The following ART3 variants were observed in gnomAD, a reference collection of about 807,000 sequenced individuals.
ART3 encodes ADP-ribosyltransferase 3 (inactive).
Under a neutral mutation model 48.5 loss-of-function variants are expected in ART3, and 49 were observed. The observed-to-expected ratio is 1.01, with a 90% CI of 0.80 to 1.28. The LOEUF (loss-of-function observed/expected upper bound fraction) is 1.28, where lower values mean the gene tolerates loss of function less well. Among genes scored for constraint, ART3 ranks in the 50% most tolerant of loss-of-function variants. ART3 has a pLI of 0.00. For synonymous variants in ART3, 145 were observed against 157.2 expected (o/e 0.92, Z 0.58); for missense variants, 438 against 454.3 (o/e 0.96, Z 0.33).
At position 76,064,113 on chromosome 4, in the gene ART3, C is replaced by T. The variant is rs533533431; in HGVS notation, c.-9-11768C>T. Among the ~76,000 whole-genome samples, 6 of 152,278 alleles carry T rather than the reference C, an allele frequency of 3.9e-5. No homozygotes were observed. The South Asian group carries it at 1.2e-3, about 32-fold the overall frequency. Reference sequence around the variant, plus strand: ...ATTCAATTGAAAGATTTTCTAGTCTCCTAGTTGTTGGCCTGGAGAGCAGTT... The same window carrying T: ...ATTCAATTGAAAGATTTTCTAGTCTTCTAGTTGTTGGCCTGGAGAGCAGTT... On this transcript the variant is annotated intron_variant, in intron 1 of 9. Transcript: ENST00000341029.
intron 3 of ART3, among the ~76,000 whole-genome samples, chr4:76,093,474 C>T (rs1264417711): frequency 6.6e-6 from 1 of 152,136 alleles, no homozygotes; most frequent in East Asian, 1.9e-4. Flanking sequence ...TCCTCCGCAC[C>T]TCGCATCTCT....
intron 1 of ART3, among the ~76,000 whole-genome samples, chr4:76,050,009 C>T (rs192946545): frequency 1.5e-3 from 220 of 148,244 alleles, no homozygotes; most frequent in African/African-American, 4.8e-3. Context: ...GCTCTTAAGG[C>T]GGCGCGTCTG....
At position 76,112,596 on chromosome 4, in the gene ART3, G is replaced by C. The variant is rs903097769; in HGVS notation, c.*77G>C. 2 of 1,448,104 alleles carry C rather than the reference G, an allele frequency of 1.4e-6. No individual in the cohort carries two copies. The highest frequency in any genetic ancestry group is 2.9e-5 in the African/African-American group (2 of 69,402). The allele number at this position is 1,448,104 out of a possible 1,614,324, so 89.7% of individuals were successfully genotyped here. On this transcript the variant is annotated 3_prime_UTR_variant, in exon 12 of 12. Transcript: ENST00000355810. ...TCCACAGGAGATCAAAAGGAATGAT[G>C]TATTTTTTACGTGTTGGCCAAAGTC...
In ART3 at chr4:76,068,768, A is replaced by G. The variant is rs113640074; in HGVS notation, c.-9-7113A>G. Among the ~76,000 whole-genome samples the G allele has an allele frequency of 2.4e-3, 360 of 152,356 alleles. 1 individual carries two copies. The Middle Eastern group carries it at 0.037, about 16-fold the overall frequency. ...GTTTACCTATATAACAAACCTACACATGTACCCTTGAGCCTAAAATAAAAG... is the reference window on the plus strand; with the variant it reads ...GTTTACCTATATAACAAACCTACACGTGTACCCTTGAGCCTAAAATAAAAG... On this transcript the variant is annotated intron_variant, in intron 1 of 9. Transcript: ENST00000341029.
At chr4:76,082,579 G>A (rs1362187967) in intron 3 of ART3, 44 bp downstream of exon 3, 2 of 1,471,672 alleles carry the variant, frequency 1.4e-6, no homozygotes, top group Admixed American at 4.3e-5. Context: ...GGGAAGGAGT[G>A]GGATTCTTAG....
At chr4:76,075,381 C>A (rs1720827221) in intron 1 of ART3, 1 of 153,118 alleles carries the variant, frequency 6.5e-6, no homozygotes, top group Admixed American at 6.5e-5. Flanking sequence ...CTCATCATCT[C>A]CTCTGTCCCA....
chr4:76,071,715 G>C (rs565929178), upstream of ART3, among the ~76,000 whole-genome samples: 1 of 152,190 alleles, frequency 6.6e-6, no homozygotes, highest in South Asian at 2.1e-4. Context: ...TTCTTCACTT[G>C]AGTTCCAGGA....
intron 3 of ART3, among the ~76,000 whole-genome samples, chr4:76,096,983 G>C (rs1459811902): frequency 1.3e-5 from 2 of 152,116 alleles, no homozygotes; most frequent in East Asian, 3.8e-4. Context: ...TCTGAAGAGA[G>C]GATTAATTGG....
intron 2 of ART3, among the ~76,000 whole-genome samples, chr4:76,078,648 T>C (rs56693549): frequency 2.0e-5 from 1 of 51,018 alleles, no homozygotes; most frequent in Admixed American, 2.1e-4. Context: ...TAAAATGGTG[T>C]TAACTATTTT....
chr4:76,106,122 A>G (rs1333863293), intron 10 of ART3: 24 of 985,214 alleles, frequency 2.4e-5, no homozygotes, highest in Non-Finnish European at 2.9e-5. Flanking sequence ...AGAACATGGA[A>G]CATAAGAAGG....
At chr4:76,093,797 A>C (rs1391138526) in intron 3 of ART3, among the ~76,000 whole-genome samples, 1 of 152,126 alleles carries the variant, frequency 6.6e-6, no homozygotes, top group Non-Finnish European at 1.5e-5. Flanking sequence ...CAGAATTTTT[A>C]TCTCTAGAAA....
intron 1 of ART3, chr4:76,021,858 A>G (rs1393863245): frequency 8.1e-6 from 11 of 1,364,402 alleles, no homozygotes; most frequent in Admixed American, 5.0e-5. Context: ...CCATGTAGGG[A>G]AGTGATGGGA....
chr4:76,104,437 A>T, intron 9 of ART3, 160 bp from the exon 10 acceptor site: 1 of 985,432 alleles, frequency 1.0e-6, no homozygotes. Flanking sequence ...GGATTTGTAT[A>T]ATAAGGGTTT....
At chr4:76,011,585 G>A (rs1029792715) in intron 1 of ART3, among the ~76,000 whole-genome samples, 9 of 152,246 alleles carry the variant, frequency 5.9e-5, no homozygotes, top group African/African-American at 1.9e-4. Context: ...CTTCGGATAA[G>A]AGAAAGGAGG....
intron 1 of ART3, among the ~76,000 whole-genome samples, chr4:76,052,403 C>A (rs1168252381): frequency 6.6e-6 from 1 of 152,176 alleles, no homozygotes; most frequent in East Asian, 1.9e-4. Context: ...ACCGTATCAC[C>A]ATACGGAACT....
At chr4:76,089,135 T>C (rs1468237874) in intron 3 of ART3, among the ~76,000 whole-genome samples, 2 of 152,236 alleles carry the variant, frequency 1.3e-5, no homozygotes, top group East Asian at 3.8e-4. Flanking sequence ...TAATGGGATG[T>C]GTTTGCTTTT....
upstream of ART3, among the ~76,000 whole-genome samples, chr4:76,072,322 T>C (rs1405567466): frequency 6.6e-6 from 1 of 152,204 alleles, no homozygotes; most frequent in Non-Finnish European, 1.5e-5. Flanking sequence ...TATCAGGAAA[T>C]ACTGTGTCTA....
intron 11 of ART3, among the ~76,000 whole-genome samples, chr4:76,111,695 A>C (rs1729514599): frequency 6.6e-6 from 1 of 152,076 alleles, no homozygotes; most frequent in Non-Finnish European, 1.5e-5. Context: ...GGCGCCCGCC[A>C]CCACGCCCGG....
chr4:76,073,718 C>A (rs1720564573), upstream of ART3, among the ~76,000 whole-genome samples: 1 of 152,156 alleles, frequency 6.6e-6, no homozygotes, highest in Admixed American at 6.5e-5. Flanking sequence ...CTAGCTACTA[C>A]CCAGGGTGAC....
Sources: gnomAD v4.1 joint callset for allele counts (sites outside exome capture counted in the v4.1 genomes callset) on GRCh38, gnomAD v4.1.1 for gene constraint, MANE v1.5 for transcripts, NCBI Gene and HGNC (gene_info 2026-07-23, HGNC 2026-07-21) for gene names.